The following CD74 variants were observed in gnomAD, a reference collection of about 807,000 sequenced individuals.
CD74 encodes CD74 molecule, also known as HLA class II histocompatibility antigen gamma chain.
Under a neutral mutation model 37.1 loss-of-function variants are expected in CD74, and 20 were observed. The observed-to-expected ratio is 0.54, with a 90% CI of 0.38 to 0.78. The LOEUF (loss-of-function observed/expected upper bound fraction) is 0.78. CD74 is among the 30% of genes least tolerant of loss of function. The probability of loss-of-function intolerance (pLI) is 0.00; values close to 1 mark genes in which losing one functional copy is unlikely to be tolerated. For missense variants in CD74, 338 were observed against 389.5 expected, an observed-to-expected ratio of 0.87 and a Z score of 1.11; for synonymous variants, 150 against 152.0, an observed-to-expected ratio of 0.99 and a Z score of 0.10.
chr5:150,410,903 G>T (rs748377859), intron 1 of CD74, among the ~76,000 whole-genome samples: 1 of 152,088 alleles, frequency 6.6e-6, no homozygotes, highest in Non-Finnish European at 1.5e-5. Context: ...AGCCCACCTG[G>T]GTCTGTAAAT....
rs768354946 is a variant in CD74, at chr5:150,407,583, T to C, written c.126-259A>G. Among the ~76,000 whole-genome samples, 3 of 152,050 alleles carry C rather than the reference T, an allele frequency of 2.0e-5. No homozygotes were observed. Among genetic ancestry groups the C allele is most frequent in the Admixed American group, 6.5e-5 (1 of 15,270 alleles). On this transcript the variant is annotated intron_variant, in intron 1 of 8. Transcript: ENST00000009530. This position sits in a 1 kb window ranked among gnomAD's most constrained non-coding sequence, Gnocchi z 4.4. ...CCCTGCAGCTGCCACGGGCCTGAGT[T>C]GAACAGAGAAGAGCAAAGAGGCATG...
In CD74 at chr5:150,402,523, G is replaced by T. The variant is rs2151167035; in HGVS notation, c.880+40C>A. 1 of 1,563,326 alleles carries T rather than the reference G, an allele frequency of 6.4e-7. No individual in the cohort carries two copies. The highest frequency in any genetic ancestry group is 1.1e-5 in the South Asian group (1 of 90,098). ...CAAAGGAGCTGGCCCTGCTGGGGAT[G>T]AGCTGCTGGTGACCAGATGCCCCTC... On this transcript the variant is annotated intron_variant, in intron 8 of 8. Coordinates refer to ENST00000009530, the MANE Select transcript of CD74 (RefSeq NM_001025159.3). The surrounding 1 kb of genome is among the most constrained non-coding windows in gnomAD (Gnocchi z 4.2).
chr5:150,410,679 T>TA (rs753661401), intron 1 of CD74, among the ~76,000 whole-genome samples: 5,694 of 110,386 alleles, frequency 0.052, 236 homozygotes, highest in East Asian at 0.18. Flanking sequence ...CTTCTGCAAT[T>TA]AAAAAAAAAA....
At chr5:150,408,184 C>T (rs1425981010) in intron 1 of CD74, among the ~76,000 whole-genome samples, 1 of 152,166 alleles carries the variant, frequency 6.6e-6, no homozygotes, top group Non-Finnish European at 1.5e-5. Flanking sequence ...CCCACCCTCA[C>T]AGTGAAATCA....
rs1770423366 is a variant in CD74, at chr5:150,412,727, C to T, written c.23G>A (p.Ser8Asn). The T allele has an allele frequency of 6.2e-7, 1 of 1,614,106 alleles. No homozygotes were observed. The highest frequency in any genetic ancestry group is 1.1e-5 in the South Asian group (1 of 91,086). MHRRRSR[S>N]CREDQKPVMD... is the part of the protein sequence containing the mutation. ...GACTGGCTTCTGATCTTCCCGACAG[C>T]TCCTGCTTCTCCTCCTGTGCATCTG... Residue 8 changes from serine to asparagine, a missense_variant, in exon 1 of 9, where the codon AGC becomes AAC. Ser to Asn is a conservative substitution (Grantham distance 46). Transcript: ENST00000009530.
chr5:150,412,166 T>C (rs755878642), intron 1 of CD74, among the ~76,000 whole-genome samples: 1 of 152,176 alleles, frequency 6.6e-6, no homozygotes, highest in Non-Finnish European at 1.5e-5. Flanking sequence ...GGTTTCAACA[T>C]GTTGGCCAGG....
At chr5:150,412,571 C>T (rs1252576762) in intron 1 of CD74, 54 bp downstream of exon 1, 11 of 1,344,028 alleles carry the variant, frequency 8.2e-6, no homozygotes, top group Non-Finnish European at 1.2e-5. Flanking sequence ...CCAGCACATG[C>T]GCACGGCTCT....
Position 150,407,069 on chromosome 5 carries a change from G to T in CD74, c.298+83C>A. ...CCAAACCGGAGGGAGAGGACAGTGG[G>T]CCCAGCTGGGTGCAGGGATGCGGGT... On this transcript the variant is annotated intron_variant, in intron 2 of 8. Coordinates refer to ENST00000009530, the MANE Select transcript of CD74 (RefSeq NM_001025159.3). This position sits in a 1 kb window ranked among gnomAD's most constrained non-coding sequence, Gnocchi z 4.4. 6.5e-7 allele frequency: 1 copy of T among 1,544,002 alleles called. No individual in the cohort carries two copies. Among genetic ancestry groups the T allele is most frequent in the Non-Finnish European group, 8.9e-7 (1 of 1,123,928 alleles).
rs1769796637 is a variant in CD74 at position 150,403,953 on chromosome 5, C to CGA, written c.626-642_626-641insTC. 3.3e-5 allele frequency among the ~76,000 whole-genome samples: 5 copies of CGA among 152,332 alleles called. No individual in the cohort carries two copies. In the South Asian group the frequency reaches 1.0e-3, roughly 32 times the overall value. On this transcript the variant is annotated intron_variant, in intron 6 of 8. Transcript: ENST00000009530. The surrounding 1 kb of genome is among the most constrained non-coding windows in gnomAD (Gnocchi z 4.5). ...AAAAGCAATGGGCACCTTGGTAAGTCTAAGCTTCCTGTTACTGGGAGTTCT... is the reference window on the plus strand; with the variant it reads ...AAAAGCAATGGGCACCTTGGTAAGTCGATAAGCTTCCTGTTACTGGGAGTTCT...
chr5:150,405,858 TC>T, intron 4 of CD74: 1 of 162,034 alleles, frequency 6.2e-6, no homozygotes, highest in Non-Finnish European at 1.4e-5. Context: ...CACTGCAACC[TC>T]CACTTCCCGG....
chr5:150,412,282 C>G (rs2151186988), intron 1 of CD74, among the ~76,000 whole-genome samples: 1 of 152,340 alleles, frequency 6.6e-6, no homozygotes, highest in Non-Finnish European at 1.5e-5. Flanking sequence ...AGGCCTTTAA[C>G]CTAGCATTCA....
chr5:150,412,218 G>T (rs1400498080), intron 1 of CD74, among the ~76,000 whole-genome samples: 1 of 152,258 alleles, frequency 6.6e-6, no homozygotes, highest in Non-Finnish European at 1.5e-5. Context: ...GCCCGCCTCA[G>T]CCTCCCAAAG....
At chr5:150,412,518 G>T (rs1770404701) in intron 1 of CD74, 107 bp downstream of exon 1, 1 of 855,042 alleles carries the variant, frequency 1.2e-6, no homozygotes, top group African/African-American at 1.7e-5. Context: ...TAGAGTCAGA[G>T]CCTGAATCCC....
At chr5:150,405,473 T>C in intron 4 of CD74, 6 of 1,165,346 alleles carry the variant, frequency 5.1e-6, no homozygotes, top group Non-Finnish European at 6.3e-6. Flanking sequence ...CTTTCAGGTC[T>C]TACCTGCTCC....
chr5:150,406,849 T>TGCC, intron 3 of CD74, 32 bp downstream of exon 3: 1 of 1,393,394 alleles, frequency 7.2e-7, no homozygotes, highest in Non-Finnish European at 9.6e-7. Context: ...GGGATAACCT[T>TGCC]GCCCCTCCCA....
At chr5:150,404,969 A>C in intron 5 of CD74, 116 bp downstream of exon 5, 1 of 1,047,790 alleles carries the variant, frequency 9.5e-7, no homozygotes. Context: ...AAGTGCTGGT[A>C]AACCCCTTCA....
At chr5:150,410,057 C>G (rs1340372350) in intron 1 of CD74, among the ~76,000 whole-genome samples, 1 of 142,996 alleles carries the variant, frequency 7.0e-6, no homozygotes. Flanking sequence ...ACAGCAAAAA[C>G]CCGACGGTGG....
intron 1 of CD74, among the ~76,000 whole-genome samples, chr5:150,408,453 A>T (rs1207585435): frequency 6.6e-6 from 1 of 152,108 alleles, no homozygotes; most frequent in African/African-American, 2.4e-5. Flanking sequence ...CGATTCTAGA[A>T]TTTGGTGGGT....
At chr5:150,409,768 TTTTG>T (rs113697647) in intron 1 of CD74, among the ~76,000 whole-genome samples, 61 of 147,582 alleles carry the variant, frequency 4.1e-4, no homozygotes, top group Non-Finnish European at 6.1e-4. Flanking sequence ...TCTGGGTGTT[TTTTG>T]TTTGTTTGTT....
Sources: gnomAD v4.1 joint callset for allele counts (sites outside exome capture counted in the v4.1 genomes callset) on GRCh38, gnomAD v4.1.1 for gene constraint, Gnocchi (gnomAD v3.1) non-coding constraint, MANE v1.5 for transcripts, NCBI Gene and HGNC (gene_info 2026-07-23, HGNC 2026-07-21) for gene names.